Variants in LSM4 observed in about 807,000 individuals in gnomAD.
LSM4 encodes LSM4 homolog, U6 small nuclear RNA and mRNA degradation associated.
In LSM4, 15 loss-of-function variants were observed where a neutral mutation model predicts 22.3. The ratio of observed to expected loss-of-function variants is 0.67; its 90% CI spans 0.45 to 1.03. The LOEUF (loss-of-function observed/expected upper bound fraction) is 1.03, where lower values mean the gene tolerates loss of function less well. Ranked by LOEUF, LSM4 falls within the 50% of genes least tolerant of loss-of-function variation. LSM4 has a pLI of 0.00. For synonymous variants in LSM4, 90 were observed against 79.8 expected (o/e 1.13, Z -0.68); for missense variants, 127 against 198.0 (o/e 0.64, Z 2.15).
intron 3 of LSM4, among the ~76,000 whole-genome samples, chr19:18,310,609 G>A (rs1970288107): frequency 6.6e-6 from 1 of 152,160 alleles, no homozygotes; most frequent in African/African-American, 2.4e-5. Context: ...AGGGGCCAGG[G>A]CCATTCCTAC....
intron 2 of LSM4, 36 bp downstream of exon 2, chr19:18,315,986 CCT>C (rs1970351466): frequency 6.2e-7 from 1 of 1,606,660 alleles, no homozygotes; most frequent in African/African-American, 1.3e-5. Flanking sequence ...AGGCTGGCCC[CCT>C]CTCAAACAGG....
intron 2 of LSM4, among the ~76,000 whole-genome samples, chr19:18,314,181 C>T (rs750901436): frequency 7.9e-5 from 12 of 152,036 alleles, no homozygotes; most frequent in Non-Finnish European, 1.3e-4. Context: ...TGACACTGTT[C>T]GCAATAGCCA....
At chr19:18,315,679 C>T (rs1970346175) in intron 2 of LSM4, among the ~76,000 whole-genome samples, 1 of 152,038 alleles carries the variant, frequency 6.6e-6, no homozygotes, top group South Asian at 2.1e-4. Context: ...GTAGCTGTGA[C>T]TATAGGCACA....
chr19:18,317,142 T>A (rs559465410), intron 1 of LSM4, among the ~76,000 whole-genome samples: 1 of 151,818 alleles, frequency 6.6e-6, no homozygotes, highest in East Asian at 2.0e-4. Context: ...CGCCTCAGCC[T>A]CCCAAATAGC....
Position 18,306,652 on chromosome 19 carries a change from G to A in LSM4, c.*812C>T, listed in dbSNP as rs1010905297. 6.6e-6 allele frequency: 1 copy of A among 152,318 alleles called. No individual in the cohort carries two copies. The highest frequency in any genetic ancestry group is 1.5e-5 in the Non-Finnish European group (1 of 68,102). The allele number at this position is 152,318 out of a possible 1,614,324, so 9.4% of individuals were successfully genotyped here. On this transcript the variant is annotated 3_prime_UTR_variant, in exon 5 of 5. Coordinates refer to ENST00000593829, the MANE Select transcript of LSM4 (RefSeq NM_012321.5). ...TCCCCACACACCCCTTGGCATTAAC[G>A]TCTCCACAGAGGGGAGAGGGTTATA...
intron 2 of LSM4, among the ~76,000 whole-genome samples, chr19:18,313,453 T>C (rs1201182203): frequency 6.6e-6 from 1 of 152,228 alleles, no homozygotes; most frequent in African/African-American, 2.4e-5. Context: ...TTTTGGTATG[T>C]TTTGAGAACA....
intron 3 of LSM4, among the ~76,000 whole-genome samples, chr19:18,311,388 G>A (rs996133429): frequency 8.5e-5 from 13 of 152,106 alleles, no homozygotes; most frequent in South Asian, 2.1e-4. Context: ...CAGCATCACC[G>A]CCTGGCCACA....
At chr19:18,322,011 G>A (rs1303122926) in intron 1 of LSM4, among the ~76,000 whole-genome samples, 3 of 152,182 alleles carry the variant, frequency 2.0e-5, no homozygotes, top group Admixed American at 1.3e-4. Flanking sequence ...CTGGCTCTGT[G>A]TGAAATACTC....
At position 18,307,008 on chromosome 19, in the gene LSM4, C is replaced by G. The variant is rs1176999564; in HGVS notation, c.*456G>C. On this transcript the variant is annotated 3_prime_UTR_variant, in exon 5 of 5. Coordinates refer to ENST00000593829, the MANE Select transcript of LSM4 (RefSeq NM_012321.5). ...CCCTGCACGGTTCGAAGGCTTTCAA[C>G]CGTCCCGGGTTTGTTTTGAAGGCAA... The G allele has an allele frequency of 6.3e-6, 1 of 158,478 alleles. No homozygotes were observed. The highest frequency in any genetic ancestry group is 2.4e-5 in the African/African-American group (1 of 41,752). The allele number at this position is 158,478 out of a possible 1,614,324, so 9.8% of individuals were successfully genotyped here.
intron 1 of LSM4, among the ~76,000 whole-genome samples, chr19:18,319,765 G>A (rs1970404330): frequency 6.6e-6 from 1 of 152,052 alleles, no homozygotes; most frequent in African/African-American, 2.4e-5. Context: ...CACCTCCTTT[G>A]GCCAGGCCCT....
rs2232971 is a variant in LSM4, at chr19:18,309,623, C to T, written c.328+55G>A. ...AGGGCAACCCCAAGAAGGAGGGATG[C>T]CACGTGTGGCTGTCTTCCCGCCCCA... On this transcript the variant is annotated intron_variant, in intron 4 of 4. Coordinates refer to ENST00000593829, the MANE Select transcript of LSM4 (RefSeq NM_012321.5). The T allele has an allele frequency of 4.6e-6, 7 of 1,511,732 alleles. No homozygotes were observed. The East Asian group carries it at 1.6e-4, about 35-fold the overall frequency. 93.6% of individuals were successfully genotyped at this position (1,511,732 alleles called of 1,614,324 possible).
chr19:18,312,429 G>A, intron 3 of LSM4, 175 bp downstream of exon 3: 1 of 170,042 alleles, frequency 5.9e-6, no homozygotes, highest in South Asian at 1.6e-4. Flanking sequence ...AGGGCACACT[G>A]GGAGACTTGG....
At position 18,309,671 on chromosome 19, in the gene LSM4, G is replaced by T; in HGVS notation, c.328+7C>A. The T allele has an allele frequency of 1.9e-6, 3 of 1,593,626 alleles. No individual in the cohort carries two copies. The highest frequency in any genetic ancestry group is 2.2e-5 in the South Asian group (2 of 89,294). ...CCAGGTACGTCCACTGGAGAGGGGA[G>T]ACCCACCTCGGCCAGCGCCGCCCAT... On this transcript the variant is annotated splice_region_variant and intron_variant, in intron 4 of 4. Coordinates refer to ENST00000593829, the MANE Select transcript of LSM4 (RefSeq NM_012321.5).
chr19:18,317,646 C>A (rs1407782775), intron 1 of LSM4, among the ~76,000 whole-genome samples: 3 of 152,108 alleles, frequency 2.0e-5, no homozygotes, highest in African/African-American at 7.2e-5. Flanking sequence ...CGCACCCGGC[C>A]CTGAACTGGG....
At chr19:18,311,108 A>T (rs985953696) in intron 3 of LSM4, among the ~76,000 whole-genome samples, 3 of 152,032 alleles carry the variant, frequency 2.0e-5, no homozygotes, top group Non-Finnish European at 4.4e-5. Context: ...CGTGGGGCGG[A>T]CACACCATGG....
Position 18,310,093 on chromosome 19 carries a change from C to T in LSM4, c.145-232G>A, listed in dbSNP as rs572004776. The T allele has an allele frequency of 2.4e-4, 129 of 543,542 alleles. No individual in the cohort carries two copies. The Middle Eastern group carries it at 3.3e-3, about 14-fold the overall frequency. The allele number at this position is 543,542 out of a possible 1,614,324, so 33.7% of individuals were successfully genotyped here. Reference sequence around the variant, plus strand: ...CAAGGGTGGGTGTGGTAGGCGCAGCCCCCATTGTGCACTCACAAGGAAGAC... The same window carrying T: ...CAAGGGTGGGTGTGGTAGGCGCAGCTCCCATTGTGCACTCACAAGGAAGAC... On this transcript the variant is annotated intron_variant, in intron 3 of 4. Transcript: ENST00000593829.
intron 3 of LSM4, among the ~76,000 whole-genome samples, chr19:18,311,645 G>GCCAGACTGGACCCAC (rs1970299753): frequency 6.6e-6 from 1 of 152,136 alleles, no homozygotes; most frequent in African/African-American, 2.4e-5. Flanking sequence ...ATCCGACACA[G>GCCAGACTGGACCCAC]CCAGACTGGA....
Position 18,307,291 on chromosome 19 carries a change from A to G in LSM4, c.*173T>C. The G allele has an allele frequency of 4.3e-6, 2 of 470,168 alleles. No homozygotes were observed. The highest frequency in any genetic ancestry group is 7.2e-6 in the Non-Finnish European group (2 of 276,164). The allele number at this position is 470,168 out of a possible 1,614,324, so 29.1% of individuals were successfully genotyped here. A position where few individuals can be genotyped will look rare whatever the true frequency, so the allele number is the denominator to read the frequency against. ...CACCAAGTAACATTTCTAACCGGAG[A>G]ATTGCCGGTTTTAGCAAGAAAAAGG... is the stretch of plus-strand genomic sequence containing the variant. On this transcript the variant is annotated 3_prime_UTR_variant, in exon 5 of 5. Coordinates refer to ENST00000593829, the MANE Select transcript of LSM4 (RefSeq NM_012321.5).
In LSM4 at chr19:18,307,786, C is replaced by CG. The variant is rs35068456; in HGVS notation, c.329-232dup. 3.9e-3 allele frequency among the ~76,000 whole-genome samples: 591 copies of CG among 150,248 alleles called. 10 individuals are homozygous for CG. The highest frequency in any genetic ancestry group is 0.037 in the East Asian group (185 of 5,014). On this transcript the variant is annotated intron_variant, in intron 4 of 4. Transcript: ENST00000593829. ...GGACTAGACCCAGCCCCCAGGGATG[C>CG]GGGGGGGGGGGACTAGGCGACAGAG...
Sources: gnomAD v4.1 joint callset for allele counts (sites outside exome capture counted in the v4.1 genomes callset) on GRCh38, gnomAD v4.1.1 for gene constraint, MANE v1.5 for transcripts, NCBI Gene and HGNC (gene_info 2026-07-23, HGNC 2026-07-21) for gene names.